The following PAK5 variants were observed in gnomAD, a reference collection of about 807,000 sequenced individuals.
PAK5 encodes the protein p21 (RAC1) activated kinase 5.
Under a neutral mutation model 65.9 loss-of-function variants are expected in PAK5, and 16 were observed. The ratio of observed to expected loss-of-function variants is 0.24; its 90% CI spans 0.16 to 0.37. PAK5 has a LOEUF of 0.37. Ranked by LOEUF, PAK5 falls within the 10% of genes least tolerant of loss-of-function variation. PAK5 has a pLI of 1.00. For synonymous variants in PAK5, 371 were observed against 354.9 expected, an observed-to-expected ratio of 1.05 and a Z score of -0.51; for missense variants, 785 against 903.9, an observed-to-expected ratio of 0.87 and a Z score of 1.69.
chr20:9,544,426 A>C lies in PAK5; in HGVS notation c.1812T>G (p.Val604=), dbSNP rs2045313053. 6.2e-7 allele frequency: 1 copy of C among 1,613,794 alleles called. No homozygotes were observed. The highest frequency in any genetic ancestry group is 1.7e-5 in the Admixed American group (1 of 60,008). ...CAGGGGCCATCCAGTAGGGAGTGCC[A>C]ACCAATGATTTCCTCTTCGGCACCT... ...SKEVPKRKSL[V]GTPYWMAPEV... Residue 604 remains valine (V), a synonymous_variant, in exon 8 of 10, where the codon GTT becomes GTG. Coordinates refer to ENST00000353224, the MANE Select transcript of PAK5 (RefSeq NM_177990.4).
intron 1 of PAK5, among the ~76,000 whole-genome samples, chr20:9,811,179 C>A (rs2049293956): frequency 6.6e-6 from 1 of 151,914 alleles, no homozygotes; most frequent in South Asian, 2.1e-4. Flanking sequence ...GGCCAATGAT[C>A]CCCTCCTTAT....
intron 7 of PAK5, among the ~76,000 whole-genome samples, chr20:9,547,968 GCA>G (rs2045369416): frequency 6.6e-6 from 1 of 152,162 alleles, no homozygotes. Flanking sequence ...GCATTTGTTT[GCA>G]CAGAGTCTAA....
At chr20:9,566,976 T>C (rs1253636867) in intron 4 of PAK5, among the ~76,000 whole-genome samples, 1 of 152,102 alleles carries the variant, frequency 6.6e-6, no homozygotes, top group African/African-American at 2.4e-5. Flanking sequence ...GAACATCCAC[T>C]CTGACTTGGA....
chr20:9,769,558 C>T (rs1452776321), intron 1 of PAK5, among the ~76,000 whole-genome samples: 3 of 152,230 alleles, frequency 2.0e-5, no homozygotes, highest in Admixed American at 6.5e-5. Context: ...ATGCTCTGAA[C>T]TCTTCCCCTC....
intron 1 of PAK5, among the ~76,000 whole-genome samples, chr20:9,790,415 A>AG (rs1163022354): frequency 6.6e-6 from 1 of 152,142 alleles, no homozygotes; most frequent in Non-Finnish European, 1.5e-5. Context: ...TCCAAGGCCC[A>AG]GGGGAATGCG....
chr20:9,593,670 T>C (rs1271032377), intron 3 of PAK5, among the ~76,000 whole-genome samples: 1 of 152,168 alleles, frequency 6.6e-6, no homozygotes, highest in Non-Finnish European at 1.5e-5. Context: ...TGGAAGACAG[T>C]GTGGCGATTC....
intron 2 of PAK5, among the ~76,000 whole-genome samples, chr20:9,665,856 C>T (rs1170487006): frequency 6.6e-6 from 1 of 151,980 alleles, no homozygotes; most frequent in Non-Finnish European, 1.5e-5. Context: ...TTCCTTCCCA[C>T]TGCTTAGAAA....
At chr20:9,557,141 A>G (rs1335788433) in intron 7 of PAK5, among the ~76,000 whole-genome samples, 1 of 152,188 alleles carries the variant, frequency 6.6e-6, no homozygotes, top group Non-Finnish European at 1.5e-5. Flanking sequence ...ACTATTCCTT[A>G]TGATTTTTCT....
At chr20:9,712,589 G>A (rs2048091349) in intron 1 of PAK5, among the ~76,000 whole-genome samples, 1 of 152,062 alleles carries the variant, frequency 6.6e-6, no homozygotes, top group Admixed American at 6.6e-5. Flanking sequence ...GAATAAAACT[G>A]GAGGCATTAA....
At chr20:9,773,248 TATC>T (rs1163921044) in intron 1 of PAK5, among the ~76,000 whole-genome samples, 4 of 152,138 alleles carry the variant, frequency 2.6e-5, no homozygotes, top group Non-Finnish European at 2.9e-5. Flanking sequence ...TTTTTTTAAT[TATC>T]ATTATACTTT....
At chr20:9,657,986 C>A (rs1172845930) in intron 2 of PAK5, among the ~76,000 whole-genome samples, 2 of 152,190 alleles carry the variant, frequency 1.3e-5, no homozygotes, top group Non-Finnish European at 2.9e-5. Context: ...TATCCAAATA[C>A]ACCCATCTAC....
intron 8 of PAK5, 38 bp downstream of exon 8, chr20:9,544,331 C>A: frequency 6.2e-7 from 1 of 1,606,508 alleles, no homozygotes; most frequent in Non-Finnish European, 8.5e-7. Flanking sequence ...CTGAGCCTGT[C>A]CCCAGTCCTG....
intron 1 of PAK5, among the ~76,000 whole-genome samples, chr20:9,758,658 C>T (rs190521253): frequency 6.6e-6 from 1 of 152,268 alleles, no homozygotes; most frequent in African/African-American, 2.4e-5. Flanking sequence ...GAAAACTTGC[C>T]AAGGCTAAAA....
intron 1 of PAK5, among the ~76,000 whole-genome samples, chr20:9,721,647 C>T (rs2048215253): frequency 1.1e-5 from 1 of 93,638 alleles, no homozygotes; most frequent in Non-Finnish European, 1.9e-5. Flanking sequence ...GAGCGAGACT[C>T]CATCTCAAAA....
At chr20:9,812,126 G>C (rs1402037144) in intron 1 of PAK5, among the ~76,000 whole-genome samples, 1 of 152,082 alleles carries the variant, frequency 6.6e-6, no homozygotes, top group Non-Finnish European at 1.5e-5. Flanking sequence ...GCACCAACAT[G>C]TGCCAATCAC....
At chr20:9,606,862 C>T (rs910876538) in intron 3 of PAK5, among the ~76,000 whole-genome samples, 1 of 151,946 alleles carries the variant, frequency 6.6e-6, no homozygotes, top group Non-Finnish European at 1.5e-5. Flanking sequence ...AGAGTATAGG[C>T]CTTGGTTTTC....
intron 1 of PAK5, among the ~76,000 whole-genome samples, chr20:9,764,820 T>C: frequency 6.6e-6 from 1 of 152,182 alleles, no homozygotes; most frequent in Non-Finnish European, 1.5e-5. Context: ...TGGAAATGCA[T>C]AGAACTAAAT....
chr20:9,782,306 C>A lies in PAK5; in HGVS notation c.-162+56456G>T, dbSNP rs1306320070. On this transcript the variant is annotated intron_variant, in intron 1 of 9. Coordinates refer to ENST00000353224, the MANE Select transcript of PAK5 (RefSeq NM_177990.4). ...GGCCATCCTGTTTATTACTGCAAACCCCTCCCACCACTATACTCCAACCCA... is the reference window on the plus strand; with the variant it reads ...GGCCATCCTGTTTATTACTGCAAACACCTCCCACCACTATACTCCAACCCA... 4.6e-5 allele frequency among the ~76,000 whole-genome samples: 7 copies of A among 152,058 alleles called. 1 individual carries two copies. Among genetic ancestry groups the A allele is most frequent in the Non-Finnish European group, 8.8e-5 (6 of 68,012 alleles).
At chr20:9,612,174 T>C (rs2046574470) in intron 3 of PAK5, among the ~76,000 whole-genome samples, 2 of 152,154 alleles carry the variant, frequency 1.3e-5, no homozygotes, top group African/African-American at 4.8e-5. Context: ...ATGAGGCCCG[T>C]CCTCTGGGGC....
Sources: allele counts gnomAD v4.1 joint callset (sites outside exome capture counted in the v4.1 genomes callset), GRCh38; gene constraint gnomAD v4.1.1; transcripts MANE v1.5; gene names NCBI Gene and HGNC (gene_info 2026-07-23, HGNC 2026-07-21).